The following HYPK variants were observed in gnomAD, a reference collection of about 807,000 sequenced individuals.
HYPK encodes huntingtin interacting protein K.
Under a neutral mutation model 13.9 loss-of-function variants are expected in HYPK, and 9 were observed. The observed-to-expected ratio is 0.65, with a 90% confidence interval of 0.39 to 1.13. The LOEUF is 1.13. Ranked by LOEUF, HYPK falls within the 50% of genes most tolerant of loss-of-function variation. The pLI is 0.01. For synonymous variants in HYPK, 76 were observed against 57.0 expected, an observed-to-expected ratio of 1.33 and a Z score of -1.50; for missense variants, 138 against 157.6, an observed-to-expected ratio of 0.88 and a Z score of 0.67.
chr15:43,800,577 A>C (rs1158308081), upstream of HYPK: 3 of 1,612,630 alleles, frequency 1.9e-6, no homozygotes, highest in Non-Finnish European at 1.7e-6. Flanking sequence ...CAGTTGCCGG[A>C]AGTCGGCGTG....
Position 43,800,649 on chromosome 15 carries a change from G to A in HYPK, c.27G>A (p.Leu9=), listed in dbSNP as rs1461773940. 1.2e-6 allele frequency: 2 copies of A among 1,614,184 alleles called. No individual in the cohort carries two copies. The highest frequency in any genetic ancestry group is 1.6e-4 in the Middle Eastern group (1 of 6,062). MATEGDVE[L]ELETETSGPE... ...TGGCGACCGAGGGGGATGTGGAGCTGGAGTTGGAGACTGAGACCAGTGGAC... is the reference window on the plus strand; with the variant it reads ...TGGCGACCGAGGGGGATGTGGAGCTAGAGTTGGAGACTGAGACCAGTGGAC... The change falls in exon 1 of 4, where the codon CTG becomes CTA. Residue 9 remains leucine (L), a synonymous_variant. Coordinates refer to ENST00000442995, the MANE Select transcript of HYPK (RefSeq NM_016400.4).
Position 43,803,652 on chromosome 15 carries a change from G to C in HYPK, c.*1846G>C, listed in dbSNP as rs141197733. Among the ~76,000 whole-genome samples, 1,460 of 152,038 alleles carry C rather than the reference G, an allele frequency of 9.6e-3. 18 individuals carry two copies. Among genetic ancestry groups the C allele is most frequent in the African/African-American group, 0.033 (1,365 of 41,478 alleles). On this transcript the variant is annotated 3_prime_UTR_variant, in exon 4 of 4. Transcript: ENST00000442995. ...TAAAAGTACAAAAAAAAATTAGCTG[G>C]GTGTGGTGGTGGACGCCTGTAATTC...
chr15:43,801,476 T>C lies in HYPK; in HGVS notation c.219-42T>C, dbSNP rs1315557118. The C allele has an allele frequency of 2.5e-5, 38 of 1,521,316 alleles. No homozygotes were observed. In the Admixed American group the frequency reaches 6.4e-4, roughly 25 times the overall value. 94.2% of individuals were successfully genotyped at this position (1,521,316 alleles called of 1,614,324 possible). ...TGACCCTTCCTGGGAGTTTATGGTG[T>C]TGGTTGAGAATGAGGACTAATATAT... On this transcript the variant is annotated intron_variant, in intron 2 of 3. Coordinates refer to ENST00000442995, the MANE Select transcript of HYPK (RefSeq NM_016400.4).
chr15:43,801,381 G>T, intron 2 of HYPK, 137 bp from the exon 3 acceptor site: 1 of 870,056 alleles, frequency 1.1e-6, no homozygotes, highest in East Asian at 2.6e-5. Context: ...CAGGGGAAAG[G>T]AGTATTAGTG....
In HYPK at chr15:43,804,124, G is replaced by A. The variant is rs1328987369; in HGVS notation, c.*2318G>A. Among the ~76,000 whole-genome samples the A allele has an allele frequency of 6.6e-6, 1 of 151,826 alleles. No homozygotes were observed. The highest frequency in any genetic ancestry group is 1.5e-5 in the Non-Finnish European group (1 of 67,950). On this transcript the variant is annotated 3_prime_UTR_variant, in exon 4 of 4. Transcript: ENST00000442995. ...ACAAACAAAAAAAAAACCCTGCAAC[G>A]GCCCCTGAGTCTGCTGTAAGGACAC...
At position 43,801,254 on chromosome 15, in the gene HYPK, C is replaced by G. The variant is rs904811188; in HGVS notation, c.218+67C>G. ...CCCGGTCCCCAGACAAAAATAAAAA[C>G]CATTATTAAGCCTTTATACCGTTCT... On this transcript the variant is annotated intron_variant, in intron 2 of 3. Coordinates refer to ENST00000442995, the MANE Select transcript of HYPK (RefSeq NM_016400.4). 3.1e-5 allele frequency: 42 copies of G among 1,346,652 alleles called. No homozygotes were observed. In the African/African-American group the frequency reaches 4.6e-4, roughly 15 times the overall value. 83.4% of individuals were successfully genotyped at this position (1,346,652 alleles called of 1,614,324 possible).
Position 43,803,353 on chromosome 15 carries a change from A to T in HYPK, c.*1547A>T, listed in dbSNP as rs559483743. 6.6e-6 allele frequency among the ~76,000 whole-genome samples: 1 copy of T among 152,240 alleles called. No homozygotes were observed. The highest frequency in any genetic ancestry group is 1.9e-4 in the East Asian group (1 of 5,174). ...GGCTGCAGTGAGCTGAGATTGTGCT[A>T]CTGCACTCCAGCCTGGGCGACAGAG... On this transcript the variant is annotated 3_prime_UTR_variant, in exon 4 of 4. Transcript: ENST00000442995.
At chr15:43,801,068 T>G in intron 1 of HYPK, 64 bp from the exon 2 acceptor site, 1 of 1,413,066 alleles carries the variant, frequency 7.1e-7, no homozygotes, top group Non-Finnish European at 1.0e-6. Context: ...CTTGTTTTGT[T>G]GGCCTTTTAG....
intron 2 of HYPK, 48 bp downstream of exon 2, chr15:43,801,235 C>T: frequency 6.7e-7 from 1 of 1,482,040 alleles, no homozygotes; most frequent in South Asian, 1.1e-5. Context: ...CCTCCCCGGT[C>T]CCCAGACAAA....
rs1308887578 is a variant in HYPK at position 43,802,931 on chromosome 15, G to C, written c.*1125G>C. On this transcript the variant is annotated 3_prime_UTR_variant, in exon 4 of 4. Coordinates refer to ENST00000442995, the MANE Select transcript of HYPK (RefSeq NM_016400.4). ...GGGCCAGGCATGGTGGCTCATGCCT[G>C]TAATCCCAACACCTTGGGAAGCTGA... is the stretch of plus-strand genomic sequence containing the variant. The C allele has an allele frequency of 6.6e-6, 1 of 152,166 alleles. No homozygotes were observed. The highest frequency in any genetic ancestry group is 1.5e-5 in the Non-Finnish European group (1 of 68,172). 9.4% of individuals were successfully genotyped at this position (152,166 alleles called of 1,614,324 possible).
Position 43,802,039 on chromosome 15 carries a change from G to GTC in HYPK, c.*236_*237dup. ...TGTGCAGATGCTAGGTGGCAGGCCA[G>GTC]TCTCATTCATCTGACTAGCTCTCAA... On this transcript the variant is annotated 3_prime_UTR_variant, in exon 4 of 4. Transcript: ENST00000442995. 1.9e-6 allele frequency: 1 copy of GTC among 539,804 alleles called. No homozygotes were observed. The highest frequency in any genetic ancestry group is 3.3e-6 in the Non-Finnish European group (1 of 301,584). 33.4% of individuals were successfully genotyped at this position (539,804 alleles called of 1,614,324 possible).
At position 43,803,657 on chromosome 15, in the gene HYPK, G is replaced by A. The variant is rs2087341583; in HGVS notation, c.*1851G>A. Among the ~76,000 whole-genome samples the A allele has an allele frequency of 6.6e-6, 1 of 151,896 alleles. No individual in the cohort carries two copies. Among genetic ancestry groups the A allele is most frequent in the African/African-American group, 2.4e-5 (1 of 41,324 alleles). On this transcript the variant is annotated 3_prime_UTR_variant, in exon 4 of 4. Transcript: ENST00000442995. The stretch of plus-strand genomic sequence containing the variant: ...GTACAAAAAAAAATTAGCTGGGTGT[G>A]GTGGTGGACGCCTGTAATTCCAGCT...
In HYPK at chr15:43,800,640, TGTGGAGCTGGAGTTGGAGACTGAGACCA is replaced by T. The variant is rs2141698548; in HGVS notation, c.24_51del (p.Glu8AspfsTer42). ...AAATAGATATGGCGACCGAGGGGGATGTGGAGCTGGAGTTGGAGACTGAGACCAGTGGACCAGAGCGGCCTCCGGAGAA... is the reference window on the plus strand; with the variant it reads ...AAATAGATATGGCGACCGAGGGGGATGTGGACCAGAGCGGCCTCCGGAGAA... On this transcript the variant is annotated frameshift_variant, in exon 1 of 4. Transcript: ENST00000442995. LOFTEE classifies it high-confidence loss of function. 6.2e-7 allele frequency: 1 copy of T among 1,613,992 alleles called. No individual in the cohort carries two copies. The highest frequency in any genetic ancestry group is 1.7e-5 in the Admixed American group (1 of 59,982).
At chr15:43,801,069 G>T in intron 1 of HYPK, 63 bp from the exon 2 acceptor site, 1 of 1,415,330 alleles carries the variant, frequency 7.1e-7, no homozygotes. Flanking sequence ...TTGTTTTGTT[G>T]GCCTTTTAGA....
intron 2 of HYPK, 22 bp from the exon 3 acceptor site, chr15:43,801,496 A>C: frequency 6.2e-7 from 1 of 1,601,454 alleles, no homozygotes; most frequent in Non-Finnish European, 8.6e-7. Flanking sequence ...ATGAGGACTA[A>C]TATATTTAAA....
At chr15:43,800,595 G>C (rs1305538264), upstream of HYPK, 1 of 1,613,754 alleles carries the variant, frequency 6.2e-7, no homozygotes. Context: ...GTGAGGTGGG[G>C]CTTATGCGGC....
At position 43,804,070 on chromosome 15, in the gene HYPK, C is replaced by A. The variant is rs2087345650; in HGVS notation, c.*2264C>A. Among the ~76,000 whole-genome samples, 1 of 151,490 alleles carries A rather than the reference C, an allele frequency of 6.6e-6. No homozygotes were observed. The highest frequency in any genetic ancestry group is 2.1e-4 in the South Asian group (1 of 4,796). On this transcript the variant is annotated 3_prime_UTR_variant, in exon 4 of 4. Transcript: ENST00000442995. ...GGAGGCTGAGGCACTCTAGCCTGGGCAACAGAGCCGTCTCTTTAAAACAAA... is the reference window on the plus strand; with the variant it reads ...GGAGGCTGAGGCACTCTAGCCTGGGAAACAGAGCCGTCTCTTTAAAACAAA...
chr15:43,801,032 G>A, intron 1 of HYPK, 100 bp from the exon 2 acceptor site: 2 of 1,076,166 alleles, frequency 1.9e-6, no homozygotes, highest in Non-Finnish European at 2.9e-6. Context: ...GGTAACACTT[G>A]TCATCGTGAA....
chr15:43,800,934 A>G (rs1388450129), intron 1 of HYPK, 150 bp downstream of exon 1: 3 of 925,676 alleles, frequency 3.2e-6, no homozygotes, highest in African/African-American at 1.7e-5. Context: ...CGGTCACCGG[A>G]GCGCGCCGCT....
Sources: allele counts gnomAD v4.1 joint callset (sites outside exome capture counted in the v4.1 genomes callset), GRCh38; gene constraint gnomAD v4.1.1; transcripts MANE v1.5; gene names NCBI Gene and HGNC (gene_info 2026-07-23, HGNC 2026-07-21).